The following RERE variants were observed in gnomAD, a reference collection of about 807,000 sequenced individuals.
RERE encodes arginine-glutamic acid dipeptide repeats protein.
RERE carries 40 observed loss-of-function variants against 146.1 expected under a neutral mutation model. That is an observed-to-expected ratio of 0.27 (90% CI 0.21 to 0.36). RERE has a LOEUF of 0.36. Among genes scored for constraint, RERE ranks in the 10% least tolerant of loss-of-function variants. The probability of loss-of-function intolerance (pLI) is 1.00; values close to 1 mark genes in which losing one functional copy is unlikely to be tolerated. For synonymous variants in RERE, 1,003 were observed against 866.0 expected (o/e 1.16, Z -2.78); for missense variants, 1,933 against 2,138.7 (o/e 0.90, Z 1.90).
chr1:8,622,700 G>A (rs1646931386), intron 3 of RERE, among the ~76,000 whole-genome samples: 2 of 151,914 alleles, frequency 1.3e-5, no homozygotes, highest in Admixed American at 6.6e-5. Flanking sequence ...GAAGTAAATA[G>A]CACATTTGAC....
At chr1:8,463,803 G>A (rs1449802979) in intron 11 of RERE, among the ~76,000 whole-genome samples, 1 of 152,174 alleles carries the variant, frequency 6.6e-6, no homozygotes, top group Non-Finnish European at 1.5e-5. Flanking sequence ...AGGAACTGAG[G>A]GAAATGCAGA....
intron 1 of RERE, among the ~76,000 whole-genome samples, chr1:8,746,170 C>T (rs1640416842): frequency 6.6e-6 from 1 of 152,218 alleles, no homozygotes; most frequent in Admixed American, 6.5e-5. Context: ...TTGTTGCCTT[C>T]AGGGTATTGC....
At chr1:8,406,948 A>G (rs1439087813) in intron 12 of RERE, among the ~76,000 whole-genome samples, 1 of 152,180 alleles carries the variant, frequency 6.6e-6, no homozygotes, top group Non-Finnish European at 1.5e-5. Context: ...TCATCTCCAC[A>G]ACAAAACACC....
rs1475259258 is a variant in RERE at position 8,589,120 on chromosome 1, T to C, written c.522+25441A>G. On this transcript the variant is annotated intron_variant, in intron 4 of 22. Transcript: ENST00000400908. ...GCCTGGGCAACTGAGCAGGACTCTG[T>C]CCCAAAAAACAAACAAACAAACAAA... is the stretch of plus-strand genomic sequence containing the variant. Among the ~76,000 whole-genome samples the C allele has an allele frequency of 4.0e-5, 6 of 151,790 alleles. 1 individual carries two copies. The South Asian group carries it at 1.0e-3, about 26-fold the overall frequency.
At chr1:8,717,252 G>T (rs1357595364) in intron 1 of RERE, among the ~76,000 whole-genome samples, 1 of 152,162 alleles carries the variant, frequency 6.6e-6, no homozygotes, top group African/African-American at 2.4e-5. Context: ...GAATAAGATG[G>T]ATAAGGGAAA....
At chr1:8,666,537 C>A (rs1449439010) in intron 1 of RERE, among the ~76,000 whole-genome samples, 2 of 152,162 alleles carry the variant, frequency 1.3e-5, no homozygotes, top group Non-Finnish European at 2.9e-5. Context: ...TTTCCTGTTG[C>A]CTTTCATATC....
intron 7 of RERE, among the ~76,000 whole-genome samples, chr1:8,536,882 T>C (rs937319886): frequency 2.6e-5 from 4 of 152,118 alleles, no homozygotes; most frequent in Non-Finnish European, 4.4e-5. Flanking sequence ...GGGCAAAAAA[T>C]TATGCCCCCT....
intron 1 of RERE, among the ~76,000 whole-genome samples, chr1:8,705,910 A>T (rs2124448088): frequency 6.6e-6 from 1 of 152,172 alleles, no homozygotes; most frequent in African/African-American, 2.4e-5. Flanking sequence ...AGGTCAGGAG[A>T]TCGAGACCAT....
chr1:8,409,179 G>A (rs1478562437), intron 12 of RERE, among the ~76,000 whole-genome samples: 1 of 152,212 alleles, frequency 6.6e-6, no homozygotes, highest in East Asian at 1.9e-4. Flanking sequence ...CTCAAAACCA[G>A]CAGAGGGAGT....
At chr1:8,603,585 G>T (rs1267046845) in intron 4 of RERE, among the ~76,000 whole-genome samples, 2 of 152,106 alleles carry the variant, frequency 1.3e-5, no homozygotes, top group East Asian at 3.8e-4. Context: ...TTTATAAACT[G>T]CCTTTTATAG....
intron 1 of RERE, among the ~76,000 whole-genome samples, chr1:8,681,969 C>T (rs750689332): frequency 1.8e-4 from 28 of 152,196 alleles, no homozygotes; most frequent in Non-Finnish European, 3.8e-4. Flanking sequence ...AAACTCCACA[C>T]CAGAAATATT....
intron 1 of RERE, among the ~76,000 whole-genome samples, chr1:8,805,008 G>GTTTTTTTTTTT (rs1186832596): frequency 1.3e-3 from 99 of 77,850 alleles, no homozygotes; most frequent in South Asian, 1.6e-3. Flanking sequence ...TTTGTTTTTG[G>GTTTTTTTTTTT]TTTTTTTTTT....
Position 8,656,249 on chromosome 1 carries a change from G to A in RERE, c.49C>T (p.Arg17Ter). The A allele has an allele frequency of 1.2e-6, 2 of 1,612,952 alleles. No homozygotes were observed. Among genetic ancestry groups the A allele is most frequent in the East Asian group, 2.2e-5 (1 of 44,836 alleles). The change falls in exon 2 of 23, where the codon CGA becomes TGA. Residue 17 changes from arginine to a stop codon, truncating the protein, a stop_gained. Transcript: ENST00000400908. LOFTEE classifies it high-confidence loss of function. The part of the protein sequence containing the change: ...KDKDKEKDRD[R>*]DRDREREKRD... ...TTCTCTCTCTCTCGGTCCCGGTCTC[G>A]GTCCCGGTCCTTCTCTTTGTCTTTG...
intron 6 of RERE, among the ~76,000 whole-genome samples, chr1:8,555,799 T>C (rs1646000345): frequency 6.6e-6 from 1 of 152,336 alleles, no homozygotes; most frequent in South Asian, 2.1e-4. Flanking sequence ...CATGGTCATT[T>C]TTTTGACATA....
chr1:8,560,085 A>G (rs139299119), intron 4 of RERE, among the ~76,000 whole-genome samples: 34 of 152,370 alleles, frequency 2.2e-4, no homozygotes, highest in African/African-American at 7.7e-4. Context: ...TACTCATTAT[A>G]GAAAAAATAT....
At chr1:8,568,568 C>T (rs546833068) in intron 4 of RERE, among the ~76,000 whole-genome samples, 16 of 152,284 alleles carry the variant, frequency 1.1e-4, no homozygotes, top group African/African-American at 3.9e-4. Context: ...TTATAAAAAC[C>T]AGGTTGGCTC....
At chr1:8,711,227 T>G (rs1639662620) in intron 1 of RERE, among the ~76,000 whole-genome samples, 2 of 143,722 alleles carry the variant, frequency 1.4e-5, no homozygotes, top group South Asian at 4.5e-4. Context: ...AAGTATTATA[T>G]CATGAAATAC....
Position 8,358,425 on chromosome 1 carries a change from G to A in RERE, c.4110C>T (p.Gly1370=). 1 of 1,595,516 alleles carries A rather than the reference G, an allele frequency of 6.3e-7. No individual in the cohort carries two copies. Among genetic ancestry groups the A allele is most frequent in the Non-Finnish European group, 8.6e-7 (1 of 1,167,694 alleles). The part of the protein sequence containing the change: ...GPHPFASFHP[G]LNPLERERLA... ...GTCTCTCCCTCTCCAAGGGGTTCAGGCCCGGGTGGAAAGAAGCAAAAGGGT... is the reference window on the plus strand; with the variant it reads ...GTCTCTCCCTCTCCAAGGGGTTCAGACCCGGGTGGAAAGAAGCAAAAGGGT... Residue 1370 remains glycine, a synonymous_variant, in exon 20 of 23, where the codon GGC becomes GGT. Coordinates refer to ENST00000400908, the MANE Select transcript of RERE (RefSeq NM_001042681.2).
intron 8 of RERE, among the ~76,000 whole-genome samples, chr1:8,499,683 T>C (rs1244143966): frequency 1.3e-5 from 2 of 152,258 alleles, no homozygotes; most frequent in Non-Finnish European, 2.9e-5. Context: ...TTACAGGCTG[T>C]CTTCCATGCC....
Sources: allele counts gnomAD v4.1 joint callset (sites outside exome capture counted in the v4.1 genomes callset), GRCh38; gene constraint gnomAD v4.1.1; transcripts MANE v1.5; gene names NCBI Gene and HGNC (gene_info 2026-07-23, HGNC 2026-07-21).